Variants in HLF observed in about 807,000 individuals in gnomAD.
The protein encoded by HLF is HLF transcription factor, PAR bZIP family member, also known as hepatic leukemia factor.
Under a neutral mutation model 22.6 loss-of-function variants are expected in HLF, and 3 were observed. The observed-to-expected ratio is 0.13, with a 90% confidence interval of 0.06 to 0.34. The LOEUF (loss-of-function observed/expected upper bound fraction) is 0.34, where lower values mean the gene tolerates loss of function less well. Ranked by LOEUF, HLF falls within the 10% of genes least tolerant of loss-of-function variation. The pLI is 1.00. For synonymous variants in HLF, 151 were observed against 151.8 expected, an observed-to-expected ratio of 0.99 and a Z score of 0.04; for missense variants, 299 against 389.2, an observed-to-expected ratio of 0.77 and a Z score of 1.95.
chr17:55,273,187 CGT>C (rs2080873778), intron 2 of HLF: 1 of 152,134 alleles, frequency 6.6e-6, no homozygotes, highest in Non-Finnish European at 1.5e-5. Context: ...CCTGGCTTGC[CGT>C]GTAACTTTGT....
intron 2 of HLF, among the ~76,000 whole-genome samples, chr17:55,292,636 A>G (rs1166077258): frequency 8.5e-5 from 13 of 152,198 alleles, no homozygotes; most frequent in Admixed American, 8.5e-4. Context: ...TCTGTGAGGT[A>G]TGCCTTTATA....
At chr17:55,318,280 T>C (rs959346793) in intron 3 of HLF, among the ~76,000 whole-genome samples, 2 of 152,144 alleles carry the variant, frequency 1.3e-5, no homozygotes, top group Non-Finnish European at 2.9e-5. Context: ...GCTTTTCTAG[T>C]CCAGGACACT....
At chr17:55,296,815 G>C (rs943545251) in intron 2 of HLF, among the ~76,000 whole-genome samples, 3 of 151,790 alleles carry the variant, frequency 2.0e-5, no homozygotes, top group Non-Finnish European at 4.4e-5. Context: ...TGAGAAAGCT[G>C]TTTCCTCTTC....
chr17:55,268,702 C>T (rs1156924722), intron 2 of HLF, among the ~76,000 whole-genome samples: 1 of 151,544 alleles, frequency 6.6e-6, no homozygotes, highest in Admixed American at 6.6e-5. Context: ...CTCCATCTCT[C>T]TCGTTGCTAT....
intron 2 of HLF, among the ~76,000 whole-genome samples, chr17:55,312,429 A>G (rs918767656): frequency 6.6e-6 from 1 of 152,248 alleles, no homozygotes; most frequent in African/African-American, 2.4e-5. Context: ...AATCACTTCT[A>G]TAAAAACATA....
intron 2 of HLF, among the ~76,000 whole-genome samples, chr17:55,268,292 T>G (rs1021471061): frequency 6.6e-6 from 1 of 152,140 alleles, no homozygotes; most frequent in Non-Finnish European, 1.5e-5. Context: ...AAATACAGAC[T>G]CTTTGTATCT....
intron 2 of HLF, among the ~76,000 whole-genome samples, chr17:55,298,882 C>CA (rs1396099123): frequency 5.9e-5 from 9 of 152,186 alleles, no homozygotes; most frequent in African/African-American, 2.2e-4. Context: ...AAATCAGATG[C>CA]ATGCTCAATG....
At chr17:55,273,402 A>C (rs1301412927) in intron 2 of HLF, 2 of 152,190 alleles carry the variant, frequency 1.3e-5, no homozygotes, top group Non-Finnish European at 2.9e-5. Flanking sequence ...CTGGATTCCC[A>C]ATCCCTGTTT....
At chr17:55,280,735 GCTCTCCTTAGTGTGAGT>G (rs2080946349) in intron 2 of HLF, among the ~76,000 whole-genome samples, 2 of 152,260 alleles carry the variant, frequency 1.3e-5, no homozygotes, top group African/African-American at 4.8e-5. Context: ...CTGGCCTTCT[GCTCTCCTTAGTGTGAGT>G]CTCTCAAATA....
intron 2 of HLF, among the ~76,000 whole-genome samples, chr17:55,308,076 G>A (rs546676061): frequency 1.1e-4 from 17 of 152,278 alleles, no homozygotes; most frequent in African/African-American, 4.1e-4. Flanking sequence ...GTGTGTGAGT[G>A]AGGTAGAGCC....
At chr17:55,277,626 G>A (rs1405426411) in intron 2 of HLF, among the ~76,000 whole-genome samples, 2 of 77,094 alleles carry the variant, frequency 2.6e-5, no homozygotes, top group Non-Finnish European at 5.8e-5. Flanking sequence ...GGATCGGATT[G>A]GGGGGGGTTG....
Position 55,265,766 on chromosome 17 carries a change from C to T in HLF, c.115+167C>T, listed in dbSNP as rs188795478. ...AGGAGCTCACCCAGCACCCTTCCTC[C>T]CCTTCCTCCTCCTCCATGAAAGGGG... On this transcript the variant is annotated intron_variant, in intron 1 of 3. Transcript: ENST00000226067. The T allele has an allele frequency of 3.6e-4, 446 of 1,255,432 alleles. 3 individuals carry two copies. The African/African-American group carries it at 6.3e-3, about 18-fold the overall frequency. The allele number at this position is 1,255,432 out of a possible 1,614,324, so 77.8% of individuals were successfully genotyped here.
chr17:55,269,370 G>C (rs758955533), intron 2 of HLF, among the ~76,000 whole-genome samples: 3 of 152,118 alleles, frequency 2.0e-5, no homozygotes, highest in Non-Finnish European at 2.9e-5. Flanking sequence ...GCCTTTATGT[G>C]ATCCTGATCC....
chr17:55,265,007 G>T lies in HLF; in HGVS notation c.-478G>T. 5.9e-6 allele frequency: 1 copy of T among 169,800 alleles called. No homozygotes were observed. The highest frequency in any genetic ancestry group is 1.3e-5 in the Non-Finnish European group (1 of 78,840). The allele number at this position is 169,800 out of a possible 1,614,324, so 10.5% of individuals were successfully genotyped here. On this transcript the variant is annotated 5_prime_UTR_variant, in exon 1 of 4. Transcript: ENST00000226067. ...ATGGGCGGCCGGATGCGCTGAGCCC[G>T]GCGCTGCGGGGCCGCGGAGCGCTGG...
At position 55,322,526 on chromosome 17, in the gene HLF, A is replaced by G. The variant is rs979079665; in HGVS notation, c.*1647A>G. On this transcript the variant is annotated 3_prime_UTR_variant, in exon 4 of 4. Transcript: ENST00000226067. ...TTTTAAGCCCTATCACTGACACATC[A>G]GCATGTTTTCTGCTTTAAATTAAAA... 6 of 213,998 alleles carry G rather than the reference A, an allele frequency of 2.8e-5. No homozygotes were observed. Among genetic ancestry groups the G allele is most frequent in the Non-Finnish European group, 5.7e-5 (6 of 105,554 alleles). 13.3% of individuals were successfully genotyped at this position (213,998 alleles called of 1,614,324 possible). A position where few individuals can be genotyped will look rare whatever the true frequency, so the allele number is the denominator to read the frequency against.
intron 2 of HLF, among the ~76,000 whole-genome samples, chr17:55,291,143 G>T (rs899592577): frequency 6.6e-6 from 1 of 152,220 alleles, no homozygotes; most frequent in African/African-American, 2.4e-5. Flanking sequence ...ACCAAGAAAT[G>T]ATGTAGACAC....
intron 3 of HLF, among the ~76,000 whole-genome samples, chr17:55,319,312 C>T (rs1905182834): frequency 6.6e-6 from 1 of 152,156 alleles, no homozygotes; most frequent in South Asian, 2.1e-4. Flanking sequence ...TGACCTCCTT[C>T]AATGCCAACT....
intron 2 of HLF, among the ~76,000 whole-genome samples, chr17:55,310,990 G>A (rs1354324831): frequency 6.6e-6 from 1 of 152,084 alleles, no homozygotes; most frequent in African/African-American, 2.4e-5. Context: ...AAATAAAAAT[G>A]GAGAGCATAC....
chr17:55,293,683 G>C (rs1415180866), intron 2 of HLF, among the ~76,000 whole-genome samples: 1 of 152,152 alleles, frequency 6.6e-6, no homozygotes, highest in African/African-American at 2.4e-5. Flanking sequence ...AATGGTGCTG[G>C]GGGCGATTAA....
Sources: gnomAD v4.1 joint callset for allele counts (sites outside exome capture counted in the v4.1 genomes callset) on GRCh38, gnomAD v4.1.1 for gene constraint, MANE v1.5 for transcripts, NCBI Gene and HGNC (gene_info 2026-07-23, HGNC 2026-07-21) for gene names.